CFAP54: variants seen among roughly 807,000 people sequenced by gnomAD.
CFAP54 encodes the protein cilia- and flagella-associated protein 54.
In CFAP54, 290 loss-of-function variants were observed where a neutral mutation model predicts 370.4. The ratio of observed to expected loss-of-function variants is 0.78; its 90% CI spans 0.71 to 0.86. The LOEUF (loss-of-function observed/expected upper bound fraction) is 0.86, where lower values mean the gene tolerates loss of function less well. Ranked by LOEUF, CFAP54 falls within the 40% of genes least tolerant of loss-of-function variation. The pLI is 0.00. For missense variants in CFAP54, 3,399 were observed against 3,528.7 expected (o/e 0.96, Z 0.93); for synonymous variants, 1,206 against 1,236.5 (o/e 0.98, Z 0.52).
At chr12:96,844,954 T>A (rs1456688259) in intron 66 of CFAP54, among the ~76,000 whole-genome samples, 1 of 152,220 alleles carries the variant, frequency 6.6e-6, no homozygotes. Flanking sequence ...TTGGAAGTGT[T>A]ATGGAAAGTT....
At chr12:96,595,360 G>A (rs191411594) in intron 25 of CFAP54, among the ~76,000 whole-genome samples, 8 of 152,232 alleles carry the variant, frequency 5.3e-5, no homozygotes, top group Non-Finnish European at 1.2e-4. Context: ...ACACCAGGGG[G>A]AAGAATCTTG....
At chr12:96,678,250 G>A (rs1336745618) in intron 39 of CFAP54, among the ~76,000 whole-genome samples, 2 of 151,934 alleles carry the variant, frequency 1.3e-5, no homozygotes, top group Non-Finnish European at 2.9e-5. Context: ...ATACCCCTTC[G>A]TTTTTGTATT....
rs137954224 is a variant in CFAP54, at chr12:96,743,559, G to A, written c.7377G>A (p.Gln2459=). 6.2e-7 allele frequency: 1 copy of A among 1,613,852 alleles called. No individual in the cohort carries two copies. ...AGGCAGACATCATGACAAACCTTCA[G>A]GTAGAAAGGAAACTTTGTTCGTATT... is the stretch of plus-strand genomic sequence containing the variant. ...HLKADIMTNL[Q]DIIHLLEGNE... is the part of the protein sequence containing the mutation. Residue 2459 remains glutamine, a splice_region_variant and synonymous_variant, in exon 53 of 68, where the codon CAG becomes CAA. Transcript: ENST00000524981.
At chr12:96,592,978 G>T (rs1956141942) in intron 24 of CFAP54, among the ~76,000 whole-genome samples, 1 of 152,024 alleles carries the variant, frequency 6.6e-6, no homozygotes, top group Non-Finnish European at 1.5e-5. Flanking sequence ...TCTAATTTAA[G>T]AACATATGCC....
chr12:96,630,749 G>A, intron 32 of CFAP54, 98 bp downstream of exon 32: 2 of 605,448 alleles, frequency 3.3e-6, no homozygotes, highest in African/African-American at 1.9e-5. Flanking sequence ...GGACCAGACA[G>A]GTGAAATCAC....
At chr12:96,673,489 A>G (rs1204469945) in intron 39 of CFAP54, among the ~76,000 whole-genome samples, 1 of 152,200 alleles carries the variant, frequency 6.6e-6, no homozygotes, top group African/African-American at 2.4e-5. Context: ...TGGAATTGTT[A>G]TCATTAAAAG....
At chr12:96,591,761 C>CGT (rs1448246064) in intron 23 of CFAP54, among the ~76,000 whole-genome samples, 1 of 149,378 alleles carries the variant, frequency 6.7e-6, no homozygotes, top group African/African-American at 2.5e-5. Flanking sequence ...CATGGTGGCG[C>CGT]GTGCCTGTAG....
intron 46 of CFAP54, among the ~76,000 whole-genome samples, chr12:96,701,220 G>A (rs927649640): frequency 6.6e-6 from 1 of 152,098 alleles, no homozygotes; most frequent in Non-Finnish European, 1.5e-5. Flanking sequence ...TACACATAGA[G>A]AGGGGAAAGA....
At chr12:96,518,845 A>C (rs573328007) in intron 5 of CFAP54, 83 bp from the exon 6 acceptor site, 4 of 1,260,662 alleles carry the variant, frequency 3.2e-6, no homozygotes, top group South Asian at 2.5e-5. Context: ...TGTGCTCACA[A>C]CTTAGAATTT....
At chr12:96,794,640 A>G (rs1958739618) in intron 63 of CFAP54, among the ~76,000 whole-genome samples, 1 of 151,916 alleles carries the variant, frequency 6.6e-6, no homozygotes, top group African/African-American at 2.4e-5. Flanking sequence ...TTCCATCCAT[A>G]TCTTGTAACA....
chr12:96,672,997 G>A (rs1957166719), intron 39 of CFAP54, among the ~76,000 whole-genome samples: 1 of 152,190 alleles, frequency 6.6e-6, no homozygotes, highest in African/African-American at 2.4e-5. Context: ...TGGGACAGAA[G>A]GGAAGGGAAG....
intron 32 of CFAP54, among the ~76,000 whole-genome samples, chr12:96,636,282 C>T (rs922351698): frequency 2.2e-4 from 34 of 152,220 alleles, no homozygotes; most frequent in African/African-American, 8.2e-4. Context: ...GATTCAATTT[C>T]TTTGAGATTA....
intron 60 of CFAP54, among the ~76,000 whole-genome samples, chr12:96,779,930 T>G (rs1958564781): frequency 6.6e-6 from 1 of 152,048 alleles, no homozygotes; most frequent in African/African-American, 2.4e-5. Context: ...AAATTTATTT[T>G]GATGACAAAA....
intron 3 of CFAP54, among the ~76,000 whole-genome samples, chr12:96,505,984 T>C (rs1026861594): frequency 2.0e-5 from 3 of 152,132 alleles, no homozygotes; most frequent in Non-Finnish European, 2.9e-5. Flanking sequence ...ATTGTGTAAA[T>C]GGTTATAATC....
At chr12:96,500,793 G>A (rs1204304123) in intron 1 of CFAP54, 41 bp from the exon 2 acceptor site, 33 of 1,411,098 alleles carry the variant, frequency 2.3e-5, no homozygotes, top group Non-Finnish European at 2.9e-5. Context: ...GGGGTTTCCT[G>A]CAGACTTTGA....
chr12:96,638,150 C>T (rs185978529), intron 32 of CFAP54, among the ~76,000 whole-genome samples: 13 of 149,492 alleles, frequency 8.7e-5, no homozygotes, highest in African/African-American at 2.2e-4. Flanking sequence ...AAAACATAAA[C>T]ATTTAAGTTT....
At chr12:96,863,463 A>G (rs904447930) in intron 67 of CFAP54, among the ~76,000 whole-genome samples, 11 of 152,224 alleles carry the variant, frequency 7.2e-5, no homozygotes, top group African/African-American at 2.4e-4. Flanking sequence ...TTGGCTAACA[A>G]TCACAGTTAG....
At chr12:96,782,495 G>A (rs567356962) in intron 60 of CFAP54, among the ~76,000 whole-genome samples, 33 of 152,066 alleles carry the variant, frequency 2.2e-4, no homozygotes, top group Admixed American at 8.5e-4. Flanking sequence ...AACAGAAAAC[G>A]TATTTTAAAA....
intron 39 of CFAP54, among the ~76,000 whole-genome samples, chr12:96,675,316 A>G (rs1957193611): frequency 2.0e-5 from 3 of 152,270 alleles, no homozygotes; most frequent in South Asian, 4.1e-4. Flanking sequence ...ATATTTATGC[A>G]GCCAAAAGAC....
Sources: allele counts gnomAD v4.1 joint callset (sites outside exome capture counted in the v4.1 genomes callset), GRCh38; gene constraint gnomAD v4.1.1; transcripts MANE v1.5; gene names NCBI Gene and HGNC (gene_info 2026-07-23, HGNC 2026-07-21).